CNTN3: variants seen among roughly 807,000 people sequenced by gnomAD.
CNTN3 encodes contactin-3.
CNTN3 carries 60 observed loss-of-function variants against 119.1 expected under a neutral mutation model. That is an observed-to-expected ratio of 0.50 (90% CI 0.41 to 0.62). The LOEUF (loss-of-function observed/expected upper bound fraction) is 0.62, where lower values mean the gene tolerates loss of function less well. CNTN3 is among the 20% of genes least tolerant of loss of function. CNTN3 has a pLI of 0.00. For missense variants in CNTN3, 1,101 were observed against 1,242.4 expected, an observed-to-expected ratio of 0.89 and a Z score of 1.71; for synonymous variants, 450 against 438.7, an observed-to-expected ratio of 1.03 and a Z score of -0.32.
chr3:74,383,408 C>A (rs902990667), intron 5 of CNTN3, among the ~76,000 whole-genome samples: 3 of 152,118 alleles, frequency 2.0e-5, no homozygotes, highest in Non-Finnish European at 4.4e-5. Flanking sequence ...TCCTGATGTA[C>A]CACATGTCAA....
At chr3:74,486,384 C>A in intron 4 of CNTN3, 72 bp downstream of exon 4, 2 of 1,371,908 alleles carry the variant, frequency 1.5e-6, no homozygotes, top group South Asian at 2.6e-5. Flanking sequence ...TTCTGAAATC[C>A]AAAACGACTA....
intron 8 of CNTN3, among the ~76,000 whole-genome samples, chr3:74,366,172 A>T (rs1343714727): frequency 6.6e-6 from 1 of 152,100 alleles, no homozygotes; most frequent in African/African-American, 2.4e-5. Flanking sequence ...CCGAGGAAAA[A>T]ATATTTTCCA....
At chr3:74,354,851 T>G (rs1037109562) in intron 11 of CNTN3, among the ~76,000 whole-genome samples, 4 of 152,154 alleles carry the variant, frequency 2.6e-5, no homozygotes, top group African/African-American at 9.7e-5. Context: ...AATCATTAAA[T>G]GAGGCTGTAA....
At chr3:74,439,115 G>A (rs921661329) in intron 4 of CNTN3, among the ~76,000 whole-genome samples, 11 of 152,128 alleles carry the variant, frequency 7.2e-5, no homozygotes, top group African/African-American at 2.7e-4. Flanking sequence ...AAATAAGAGA[G>A]GGACATCAAA....
chr3:74,365,948 C>G (rs1246146410), intron 8 of CNTN3, among the ~76,000 whole-genome samples: 5 of 151,986 alleles, frequency 3.3e-5, no homozygotes, highest in South Asian at 2.1e-4. Context: ...ATTAATTATG[C>G]TCTCTCTATT....
At chr3:74,275,310 T>G (rs140398810) in intron 20 of CNTN3, among the ~76,000 whole-genome samples, 1 of 152,038 alleles carries the variant, frequency 6.6e-6, no homozygotes, top group Non-Finnish European at 1.5e-5. Flanking sequence ...ACCTGGAAAA[T>G]TCATCACAAA....
intron 1 of CNTN3, among the ~76,000 whole-genome samples, chr3:74,577,680 G>A (rs1276509552): frequency 6.6e-6 from 1 of 151,896 alleles, no homozygotes. Flanking sequence ...GTGAAAGAAG[G>A]TTGACTATCT....
chr3:74,373,063 G>A (rs1704380462), intron 5 of CNTN3, among the ~76,000 whole-genome samples: 1 of 152,150 alleles, frequency 6.6e-6, no homozygotes, highest in Admixed American at 6.5e-5. Flanking sequence ...TTTAAATCAT[G>A]CTGTCATATT....
At chr3:74,596,679 T>C (rs1704816907) in intron 1 of CNTN3, among the ~76,000 whole-genome samples, 1 of 151,948 alleles carries the variant, frequency 6.6e-6, no homozygotes, top group Non-Finnish European at 1.5e-5. Flanking sequence ...GTATTTCTTA[T>C]TTCAAAAAAG....
At chr3:74,420,725 GTTTAGAGCATGCCA>G (rs1316538310) in intron 5 of CNTN3, among the ~76,000 whole-genome samples, 1 of 152,200 alleles carries the variant, frequency 6.6e-6, no homozygotes, top group African/African-American at 2.4e-5. Flanking sequence ...CAGGGTGCTG[GTTTAGAGCATGCCA>G]TACTAGAAAG....
chr3:74,281,347 T>G (rs1433520595), intron 20 of CNTN3, among the ~76,000 whole-genome samples: 1 of 152,140 alleles, frequency 6.6e-6, no homozygotes, highest in Non-Finnish European at 1.5e-5. Flanking sequence ...TTATTATTTT[T>G]TGAGACAGGG....
rs1462418640 is a variant in CNTN3 at position 74,288,583 on chromosome 3, A to G, written c.2518-3092T>C. 4.6e-5 allele frequency among the ~76,000 whole-genome samples: 7 copies of G among 152,292 alleles called. No individual in the cohort carries two copies. In the East Asian group the frequency reaches 1.4e-3, roughly 29 times the overall value. ...CATTCTATTATGGCACATTAATTACATTCTTCTGCCAAACTTAAAAAAAAG... is the reference window on the plus strand; with the variant it reads ...CATTCTATTATGGCACATTAATTACGTTCTTCTGCCAAACTTAAAAAAAAG... On this transcript the variant is annotated intron_variant, in intron 19 of 22. Transcript: ENST00000263665.
chr3:74,439,499 T>C (rs1274861334), intron 4 of CNTN3, among the ~76,000 whole-genome samples: 1 of 152,144 alleles, frequency 6.6e-6, no homozygotes, highest in East Asian at 1.9e-4. Context: ...AGTATGATCA[T>C]CTAAAGTTGC....
At chr3:74,312,972 G>A (rs1319182732) in intron 13 of CNTN3, among the ~76,000 whole-genome samples, 1 of 150,774 alleles carries the variant, frequency 6.6e-6, no homozygotes, top group African/African-American at 2.4e-5. Flanking sequence ...CAAGCAGAGA[G>A]ATAGACATTC....
intron 11 of CNTN3, among the ~76,000 whole-genome samples, chr3:74,351,596 C>T (rs1475688072): frequency 6.6e-6 from 1 of 152,330 alleles, no homozygotes; most frequent in Non-Finnish European, 1.5e-5. Flanking sequence ...CTTCATCTGA[C>T]ACAGTGAATA....
rs558336996 is a variant in CNTN3, at chr3:74,336,104, T to C, written c.1492+427A>G. Among the ~76,000 whole-genome samples the C allele has an allele frequency of 3.3e-5, 5 of 152,254 alleles. 1 individual carries two copies. The highest frequency in any genetic ancestry group is 1.2e-4 in the African/African-American group (5 of 41,552). ...CAGAGTAGGTGCTCCAATTTTTTCA[T>C]GAATGGATAAATGAATAAAATATAT... On this transcript the variant is annotated intron_variant, in intron 12 of 22. Coordinates refer to ENST00000263665, the MANE Select transcript of CNTN3 (RefSeq NM_020872.3).
At chr3:74,267,929 T>G (rs1346275317) in intron 20 of CNTN3, among the ~76,000 whole-genome samples, 1 of 152,152 alleles carries the variant, frequency 6.6e-6, no homozygotes, top group Admixed American at 6.6e-5. Context: ...CAGCCTTGTA[T>G]GATAAGATGG....
intron 4 of CNTN3, among the ~76,000 whole-genome samples, chr3:74,468,931 T>C (rs1047734536): frequency 3.3e-5 from 5 of 152,168 alleles, no homozygotes; most frequent in African/African-American, 1.2e-4. Flanking sequence ...TTTCAACAAG[T>C]ACTGCTTTAA....
At chr3:74,288,385 C>T (rs552158300) in intron 19 of CNTN3, among the ~76,000 whole-genome samples, 1 of 152,098 alleles carries the variant, frequency 6.6e-6, no homozygotes, top group Non-Finnish European at 1.5e-5. Flanking sequence ...ACTCGAACTC[C>T]TGACCTAAGG....
Sources: gnomAD v4.1 joint callset for allele counts (sites outside exome capture counted in the v4.1 genomes callset) on GRCh38, gnomAD v4.1.1 for gene constraint, MANE v1.5 for transcripts, NCBI Gene and HGNC (gene_info 2026-07-23, HGNC 2026-07-21) for gene names.